MLIP: variants seen among roughly 807,000 people sequenced by gnomAD.
MLIP encodes muscular LMNA-interacting protein.
In MLIP, 79 loss-of-function variants were observed where a neutral mutation model predicts 84.8. The ratio of observed to expected loss-of-function variants is 0.93; its 90% CI spans 0.78 to 1.12. MLIP has a LOEUF of 1.12. Among genes scored for constraint, MLIP ranks in the 50% most tolerant of loss-of-function variants. MLIP has a pLI of 0.00. For missense variants in MLIP, 1,257 were observed against 1,160.6 expected (o/e 1.08, Z -1.21); for synonymous variants, 504 against 463.0 (o/e 1.09, Z -1.14).
intron 3 of MLIP, among the ~76,000 whole-genome samples, chr6:54,135,861 C>A (rs992425205): frequency 2.0e-5 from 3 of 152,136 alleles, no homozygotes; most frequent in African/African-American, 7.2e-5. Context: ...GTTTCACAGG[C>A]TCTCCCTAGC....
chr6:54,217,080 C>G, intron 11 of MLIP: 1 of 985,384 alleles, frequency 1.0e-6, no homozygotes, highest in Non-Finnish European at 1.2e-6. Context: ...ATAAATGTTG[C>G]TTTACCAAAG....
chr6:54,185,506 T>A (rs535753507), intron 9 of MLIP, among the ~76,000 whole-genome samples: 78 of 152,282 alleles, frequency 5.1e-4, no homozygotes, highest in African/African-American at 1.7e-3. Context: ...ATATTTAGAT[T>A]TTTTCCTAAT....
At chr6:54,160,966 G>T (rs1213548540) in intron 8 of MLIP, among the ~76,000 whole-genome samples, 167 bp downstream of exon 8, 1 of 152,024 alleles carries the variant, frequency 6.6e-6, no homozygotes, top group Non-Finnish European at 1.5e-5. Context: ...TTGATTTCAA[G>T]TAATGTATAG....
chr6:54,115,607 G>A (rs1399369405), intron 1 of MLIP, among the ~76,000 whole-genome samples: 3 of 152,048 alleles, frequency 2.0e-5, no homozygotes, highest in Non-Finnish European at 4.4e-5. Context: ...TATAATACTG[G>A]GTATTATACA....
At chr6:54,087,816 CT>C (rs3996980) in intron 1 of MLIP, among the ~76,000 whole-genome samples, 12,849 of 149,080 alleles carry the variant, frequency 0.086, 793 homozygotes, top group East Asian at 0.33. Context: ...GAAAGATACT[CT>C]TTTTTTTTTT....
chr6:54,246,544 A>G (rs920087207), intron 12 of MLIP, among the ~76,000 whole-genome samples: 6 of 151,860 alleles, frequency 4.0e-5, no homozygotes, highest in African/African-American at 1.5e-4. Context: ...CTTGTTGTCC[A>G]GATATTTTCT....
Position 54,149,080 on chromosome 6 carries a change from A to G in MLIP, c.2242A>G (p.Lys748Glu). 6.2e-7 allele frequency: 1 copy of G among 1,612,956 alleles called. No individual in the cohort carries two copies. The highest frequency in any genetic ancestry group is 1.3e-5 in the African/African-American group (1 of 74,966). The change falls in exon 5 of 14, where the codon AAG (lysine) becomes GAG (glutamate). Residue 748 changes from lysine (K) to glutamate (E), a missense_variant. Lys to Glu is a moderately conservative substitution (Grantham distance 56). Transcript: ENST00000502396. ...GCAATACAAGACCAAGTCAAGCTAC[A>G]AGGCTTTTGCAGCAATCCCTACAAA... ...SKQYKTKSSYKAFAAIPTNTL... is the reference protein window; with the variant it reads ...SKQYKTKSSYEAFAAIPTNTL...
chr6:54,217,185 A>G, intron 11 of MLIP: 4 of 985,420 alleles, frequency 4.1e-6, no homozygotes, highest in Non-Finnish European at 4.8e-6. Flanking sequence ...CTCAGACAGA[A>G]AACCGCAGCG....
intron 11 of MLIP, chr6:54,215,822 A>C (rs1355619993): frequency 6.6e-6 from 1 of 152,420 alleles, no homozygotes; most frequent in Admixed American, 6.5e-5. Flanking sequence ...CAAAACATCC[A>C]TTTCAACCAA....
intron 1 of MLIP, among the ~76,000 whole-genome samples, chr6:54,050,761 A>G (rs1304348363): frequency 3.3e-5 from 5 of 152,138 alleles, no homozygotes; most frequent in Non-Finnish European, 7.4e-5. Flanking sequence ...GGCAAGCTGT[A>G]TGGGCATCAT....
intron 11 of MLIP, among the ~76,000 whole-genome samples, chr6:54,213,588 G>A (rs947238784): frequency 1.3e-5 from 2 of 151,676 alleles, no homozygotes; most frequent in South Asian, 4.1e-4. Context: ...TGTAATCCCA[G>A]CTACTTGGGA....
chr6:54,235,343 T>TTA (rs1781292137), intron 12 of MLIP, among the ~76,000 whole-genome samples: 1 of 152,218 alleles, frequency 6.6e-6, no homozygotes, highest in Non-Finnish European at 1.5e-5. Context: ...TTCTCCTTGC[T>TTA]TACACAAACC....
At chr6:54,238,442 G>T (rs1582593266) in intron 12 of MLIP, among the ~76,000 whole-genome samples, 2 of 152,090 alleles carry the variant, frequency 1.3e-5, no homozygotes, top group South Asian at 4.2e-4. Flanking sequence ...TATGCACTTT[G>T]TTCTCTTCTT....
chr6:54,254,285 C>A (rs1782842601), intron 12 of MLIP, among the ~76,000 whole-genome samples: 1 of 151,852 alleles, frequency 6.6e-6, no homozygotes, highest in Middle Eastern at 3.4e-3. Context: ...CACCACCATG[C>A]CCAGCTAATT....
intron 3 of MLIP, among the ~76,000 whole-genome samples, chr6:54,128,168 G>C (rs779953476): frequency 3.3e-5 from 5 of 152,196 alleles, no homozygotes; most frequent in Non-Finnish European, 4.4e-5. Flanking sequence ...CTTGGGTGGG[G>C]ATGGGAAGAG....
chr6:54,186,862 A>C (rs1777444604), intron 9 of MLIP, among the ~76,000 whole-genome samples: 1 of 152,166 alleles, frequency 6.6e-6, no homozygotes, highest in Non-Finnish European at 1.5e-5. Flanking sequence ...AAGAACCTAA[A>C]GTTCTTGTAG....
At chr6:54,024,985 A>G (rs1301578014) in intron 1 of MLIP, among the ~76,000 whole-genome samples, 1 of 148,844 alleles carries the variant, frequency 6.7e-6, no homozygotes, top group Non-Finnish European at 1.5e-5. Context: ...CCACAGGCAC[A>G]TGCTGCCATG....
chr6:54,075,470 G>A (rs1048384422), intron 1 of MLIP, among the ~76,000 whole-genome samples: 28 of 152,040 alleles, frequency 1.8e-4, no homozygotes, highest in African/African-American at 6.0e-4. Flanking sequence ...TAATTATGCA[G>A]TAGTTATAAA....
intron 4 of MLIP, among the ~76,000 whole-genome samples, chr6:54,146,363 C>T (rs551611034): frequency 9.9e-5 from 15 of 152,264 alleles, no homozygotes; most frequent in East Asian, 5.8e-4. Context: ...ATCTATTAAA[C>T]GCTTTTTATA....
Sources: allele counts gnomAD v4.1 joint callset (sites outside exome capture counted in the v4.1 genomes callset), GRCh38; gene constraint gnomAD v4.1.1; transcripts MANE v1.5; gene names NCBI Gene and HGNC (gene_info 2026-07-23, HGNC 2026-07-21).